ALDH1A2: variants seen among roughly 807,000 people sequenced by gnomAD.
ALDH1A2 encodes the protein aldehyde dehydrogenase 1 family member A2, also known as retinal dehydrogenase 2.
ALDH1A2 carries 27 observed loss-of-function variants against 60.3 expected under a neutral mutation model. The observed-to-expected ratio is 0.45, with a 90% CI of 0.33 to 0.62. The LOEUF is 0.62. Among genes scored for constraint, ALDH1A2 ranks in the 20% least tolerant of loss-of-function variants. The pLI is 0.02. For synonymous variants in ALDH1A2, 289 were observed against 232.4 expected (o/e 1.24, Z -2.21); for missense variants, 581 against 643.8 (o/e 0.90, Z 1.06).
chr15:58,041,290 T>C (rs1158696631), intron 1 of ALDH1A2, among the ~76,000 whole-genome samples: 1 of 151,898 alleles, frequency 6.6e-6, no homozygotes, highest in Non-Finnish European at 1.5e-5. Context: ...TATGTCCATA[T>C]CTAAATATAG....
intron 7 of ALDH1A2, among the ~76,000 whole-genome samples, chr15:57,987,080 A>T (rs1460813235): frequency 3.3e-5 from 5 of 152,244 alleles, no homozygotes; most frequent in African/African-American, 1.2e-4. Flanking sequence ...TCTCTGAAGC[A>T]GATTAAGCAT....
intron 12 of ALDH1A2, among the ~76,000 whole-genome samples, chr15:57,960,247 A>G (rs1256874715): frequency 6.6e-6 from 1 of 152,190 alleles, no homozygotes; most frequent in East Asian, 1.9e-4. Flanking sequence ...GTACATATTT[A>G]TGCTCAATAT....
intron 12 of ALDH1A2, among the ~76,000 whole-genome samples, chr15:57,960,323 G>T (rs538961938): frequency 1.3e-5 from 2 of 152,282 alleles, no homozygotes; most frequent in South Asian, 4.1e-4. Flanking sequence ...GAGGGAACGG[G>T]CATGAAACAT....
intron 7 of ALDH1A2, among the ~76,000 whole-genome samples, chr15:57,985,217 T>TC (rs1412836276): frequency 6.6e-6 from 1 of 152,166 alleles, no homozygotes; most frequent in Non-Finnish European, 1.5e-5. Flanking sequence ...CCTTCCCAAT[T>TC]CCGTTATTCC....
At chr15:58,008,575 G>C (rs117821180) in intron 4 of ALDH1A2, among the ~76,000 whole-genome samples, 1 of 152,046 alleles carries the variant, frequency 6.6e-6, no homozygotes, top group South Asian at 2.1e-4. Context: ...CCAAGGTACC[G>C]TTAGGCCAAA....
At chr15:57,959,923 G>A (rs1337269552) in intron 12 of ALDH1A2, among the ~76,000 whole-genome samples, 13 of 151,860 alleles carry the variant, frequency 8.6e-5, no homozygotes, top group African/African-American at 2.7e-4. Flanking sequence ...TATTTTTCCC[G>A]CAATACCTTT....
intron 11 of ALDH1A2, 108 bp from the exon 12 acceptor site, chr15:57,960,952 G>C: frequency 2.2e-6 from 3 of 1,358,724 alleles, no homozygotes; most frequent in Non-Finnish European, 3.1e-6. Context: ...CTTTCCTCCA[G>C]AGGAAAAAAT....
At chr15:57,991,806 A>T (rs1303888800) in intron 7 of ALDH1A2, among the ~76,000 whole-genome samples, 1 of 152,206 alleles carries the variant, frequency 6.6e-6, no homozygotes, top group Non-Finnish European at 1.5e-5. Flanking sequence ...GCACTGTTCT[A>T]GACCTGCGGA....
Position 57,989,184 on chromosome 15 carries a change from G to A in ALDH1A2, c.798+3521C>T, listed in dbSNP as rs77493844. ...CTCGTTTTTAGACTGAAATATCTTG[G>A]AAGAAAACATTAAATGCTAGAAGTT... On this transcript the variant is annotated intron_variant, in intron 7 of 12. Transcript: ENST00000249750. Among the ~76,000 whole-genome samples, 120 of 152,216 alleles carry A rather than the reference G, an allele frequency of 7.9e-4. 1 individual carries two copies. The highest frequency in any genetic ancestry group is 2.8e-3 in the African/African-American group (117 of 41,518).
intron 12 of ALDH1A2, among the ~76,000 whole-genome samples, chr15:57,959,556 T>C (rs1386477984): frequency 1.3e-5 from 2 of 152,166 alleles, no homozygotes; most frequent in Non-Finnish European, 2.9e-5. Context: ...ATAATGATGA[T>C]TGCAGCTAAC....
intron 1 of ALDH1A2, among the ~76,000 whole-genome samples, chr15:58,035,357 C>A (rs2140547742): frequency 6.6e-6 from 1 of 151,552 alleles, no homozygotes; most frequent in Middle Eastern, 3.4e-3. Flanking sequence ...GTTAGCCAGG[C>A]TACATGTTTA....
intron 7 of ALDH1A2, among the ~76,000 whole-genome samples, chr15:57,988,586 T>A (rs1032064282): frequency 6.6e-6 from 1 of 152,190 alleles, no homozygotes; most frequent in African/African-American, 2.4e-5. Context: ...CCAAGGGTGT[T>A]ACCTGCAAAG....
At chr15:57,990,807 C>T (rs376874237) in intron 7 of ALDH1A2, among the ~76,000 whole-genome samples, 22 of 139,674 alleles carry the variant, frequency 1.6e-4, no homozygotes, top group African/African-American at 4.5e-4. Flanking sequence ...ACCTGGGGGG[C>T]GGAGGTTGCT....
At chr15:58,047,552 G>A (rs1202270043) in intron 1 of ALDH1A2, among the ~76,000 whole-genome samples, 3 of 151,882 alleles carry the variant, frequency 2.0e-5, no homozygotes, top group African/African-American at 7.3e-5. Context: ...CTGTATTGAT[G>A]ATCATCTCAG....
At chr15:58,011,810 T>G (rs1299505819) in intron 3 of ALDH1A2, among the ~76,000 whole-genome samples, 3 of 152,228 alleles carry the variant, frequency 2.0e-5, no homozygotes, top group African/African-American at 4.8e-5. Flanking sequence ...TTCCTAGTAC[T>G]TTTTAGAACA....
Position 58,025,489 on chromosome 15 carries a change from A to G in ALDH1A2, c.118-11208T>C, listed in dbSNP as rs372015170. 1.4e-4 allele frequency among the ~76,000 whole-genome samples: 22 copies of G among 152,362 alleles called. No individual in the cohort carries two copies. In the East Asian group the frequency reaches 4.1e-3, roughly 28 times the overall value. ...AGAAACAGAAAACCTGAACAGCTCA[A>G]TAACAAGCAGCAATATTGAATCAGT... On this transcript the variant is annotated intron_variant, in intron 1 of 12. Coordinates refer to ENST00000249750, the MANE Select transcript of ALDH1A2 (RefSeq NM_003888.4).
At chr15:57,988,067 G>T (rs1156297635) in intron 7 of ALDH1A2, among the ~76,000 whole-genome samples, 1 of 152,154 alleles carries the variant, frequency 6.6e-6, no homozygotes, top group Non-Finnish European at 1.5e-5. Context: ...GGAATAGCAA[G>T]TATGTGAGTA....
At chr15:58,029,583 TAAAA>T (rs58827440) in intron 1 of ALDH1A2, among the ~76,000 whole-genome samples, 162 of 143,114 alleles carry the variant, frequency 1.1e-3, no homozygotes, top group Middle Eastern at 3.8e-3. Context: ...AAAAATCCCC[TAAAA>T]AAAAAAAAAA....
At position 57,954,120 on chromosome 15, in the gene ALDH1A2, C is replaced by A. The variant is rs1186094456; in HGVS notation, c.*1077G>T. The A allele has an allele frequency of 6.6e-6, 1 of 152,268 alleles. No homozygotes were observed. The highest frequency in any genetic ancestry group is 2.1e-4 in the South Asian group (1 of 4,822). 9.4% of individuals were successfully genotyped at this position (152,268 alleles called of 1,614,324 possible). A position where few individuals can be genotyped will look rare whatever the true frequency, so the allele number is the denominator to read the frequency against. On this transcript the variant is annotated 3_prime_UTR_variant, in exon 13 of 13. Coordinates refer to ENST00000249750, the MANE Select transcript of ALDH1A2 (RefSeq NM_003888.4). ...TGGAAAAGGAAACCCCTAGGCTTGGCCAGATTTTCCAAGGTCACTGCCAAT... is the reference window on the plus strand; with the variant it reads ...TGGAAAAGGAAACCCCTAGGCTTGGACAGATTTTCCAAGGTCACTGCCAAT...
Sources: allele counts gnomAD v4.1 joint callset (sites outside exome capture counted in the v4.1 genomes callset), GRCh38; gene constraint gnomAD v4.1.1; transcripts MANE v1.5; gene names NCBI Gene and HGNC (gene_info 2026-07-23, HGNC 2026-07-21).